The following LPAR1 variants were observed in gnomAD, a reference collection of about 807,000 sequenced individuals.
The protein encoded by LPAR1 is LPA receptor 1.
In LPAR1, 5 loss-of-function variants were observed where a neutral mutation model predicts 23.8. The observed-to-expected ratio is 0.21, with a 90% CI of 0.11 to 0.44. LPAR1 has a LOEUF of 0.44. Ranked by LOEUF, LPAR1 falls within the 20% of genes least tolerant of loss-of-function variation. LPAR1 has a pLI of 0.99. For missense variants in LPAR1, 311 were observed against 482.8 expected, an observed-to-expected ratio of 0.64 and a Z score of 3.33; for synonymous variants, 160 against 164.7, an observed-to-expected ratio of 0.97 and a Z score of 0.22.
At chr9:111,018,447 T>A (rs1347908646) in intron 2 of LPAR1, among the ~76,000 whole-genome samples, 2 of 152,244 alleles carry the variant, frequency 1.3e-5, no homozygotes, top group African/African-American at 4.8e-5. Context: ...CAAAGATATT[T>A]ACTGAAGTGA....
chr9:111,010,825 G>C (rs2097317086), intron 2 of LPAR1, among the ~76,000 whole-genome samples: 1 of 152,138 alleles, frequency 6.6e-6, no homozygotes, highest in Admixed American at 6.5e-5. Flanking sequence ...AAAATGTCAT[G>C]ACTTCCCTTC....
chr9:111,013,690 A>G (rs2140762719), intron 2 of LPAR1, among the ~76,000 whole-genome samples: 1 of 152,326 alleles, frequency 6.6e-6, no homozygotes, highest in Admixed American at 6.5e-5. Flanking sequence ...AGAAAAAGAA[A>G]AAAAGGGTGA....
chr9:110,979,841 C>G (rs914781906), intron 2 of LPAR1, among the ~76,000 whole-genome samples: 1 of 151,988 alleles, frequency 6.6e-6, no homozygotes, highest in Non-Finnish European at 1.5e-5. Flanking sequence ...AAAAGGAATT[C>G]CTGGCATAAT....
intron 4 of LPAR1, among the ~76,000 whole-genome samples, chr9:110,959,725 CAG>C (rs1267107733): frequency 2.6e-5 from 4 of 152,134 alleles, no homozygotes; most frequent in Non-Finnish European, 5.9e-5. Context: ...TTTAAAATAG[CAG>C]AGACACAGAT....
chr9:110,984,521 A>G lies in LPAR1; in HGVS notation c.-181-10963T>C, dbSNP rs1410282559. On this transcript the variant is annotated intron_variant, in intron 2 of 5. Transcript: ENST00000683809. ...CTTCCAAATCTTGGCTATTGTGAACAGTGCTGCAATAAACATGAGAGTGAA... is the reference window on the plus strand; with the variant it reads ...CTTCCAAATCTTGGCTATTGTGAACGGTGCTGCAATAAACATGAGAGTGAA... 3.9e-5 allele frequency among the ~76,000 whole-genome samples: 6 copies of G among 152,258 alleles called. No individual in the cohort carries two copies. The South Asian group carries it at 1.2e-3, about 32-fold the overall frequency.
intron 5 of LPAR1, among the ~76,000 whole-genome samples, chr9:110,909,960 G>T (rs889505175): frequency 2.0e-5 from 3 of 151,920 alleles, no homozygotes; most frequent in African/African-American, 7.3e-5. Flanking sequence ...TATTGCCCAG[G>T]CTGGTCTCAA....
At chr9:111,036,392 AAG>A (rs1430083962) in intron 1 of LPAR1, among the ~76,000 whole-genome samples, 191 bp from the exon 2 acceptor site, 5 of 151,574 alleles carry the variant, frequency 3.3e-5, no homozygotes, top group Admixed American at 6.6e-5. Flanking sequence ...AAAAAAAAAA[AAG>A]AGGAAATGAG....
intron 2 of LPAR1, among the ~76,000 whole-genome samples, chr9:111,000,032 C>A (rs117603158): frequency 6.6e-6 from 1 of 152,158 alleles, no homozygotes; most frequent in Non-Finnish European, 1.5e-5. Context: ...TTTTATAAGG[C>A]CCCTAATCTC....
chr9:111,004,429 A>C (rs2140286273), intron 2 of LPAR1, among the ~76,000 whole-genome samples: 1 of 152,220 alleles, frequency 6.6e-6, no homozygotes, highest in Admixed American at 6.5e-5. Context: ...AGGATACTGA[A>C]GAAACTGTGC....
At chr9:110,921,533 A>G (rs2093629712) in intron 5 of LPAR1, among the ~76,000 whole-genome samples, 1 of 152,202 alleles carries the variant, frequency 6.6e-6, no homozygotes, top group Admixed American at 6.5e-5. Flanking sequence ...AATTATCTCT[A>G]TTTTACAGAT....
At chr9:110,881,485 T>G (rs2080820586) in intron 5 of LPAR1, among the ~76,000 whole-genome samples, 2 of 152,178 alleles carry the variant, frequency 1.3e-5, no homozygotes, top group Admixed American at 6.5e-5. Flanking sequence ...AAAGCTGCCT[T>G]CCCTCTGGTG....
chr9:110,934,054 T>A (rs550241847), intron 5 of LPAR1, among the ~76,000 whole-genome samples: 25 of 152,300 alleles, frequency 1.6e-4, no homozygotes, highest in African/African-American at 5.8e-4. Flanking sequence ...CCAAGCAGCC[T>A]AATGGCTGGC....
chr9:110,942,509 A>G (rs1350221845), intron 4 of LPAR1, among the ~76,000 whole-genome samples: 1 of 152,234 alleles, frequency 6.6e-6, no homozygotes, highest in Non-Finnish European at 1.5e-5. Flanking sequence ...TGCAATTGGA[A>G]TATTTACCAT....
At chr9:110,930,783 C>T (rs1357002788) in intron 5 of LPAR1, among the ~76,000 whole-genome samples, 3 of 151,734 alleles carry the variant, frequency 2.0e-5, no homozygotes, top group East Asian at 2.0e-4. Flanking sequence ...GGCGTGGTGG[C>T]GCGTGCCTAT....
intron 5 of LPAR1, among the ~76,000 whole-genome samples, chr9:110,916,395 G>A (rs976423868): frequency 1.3e-5 from 2 of 152,164 alleles, no homozygotes; most frequent in Non-Finnish European, 2.9e-5. Flanking sequence ...AAATACACTG[G>A]ATGGAAGTAT....
intron 5 of LPAR1, among the ~76,000 whole-genome samples, chr9:110,908,167 T>C (rs575814429): frequency 9.9e-5 from 15 of 151,870 alleles, no homozygotes; most frequent in African/African-American, 3.6e-4. Flanking sequence ...CTATTTAAAC[T>C]AGGAACTAAA....
chr9:111,029,822 G>A (rs147189615), intron 2 of LPAR1, among the ~76,000 whole-genome samples: 19,493 of 151,560 alleles, frequency 0.13, 1,497 homozygotes, highest in South Asian at 0.21. Flanking sequence ...AGGCCGAGGC[G>A]GGTGGTTCAC....
intron 5 of LPAR1, among the ~76,000 whole-genome samples, chr9:110,892,814 A>C (rs561576646): frequency 0.015 from 1,566 of 102,512 alleles, 22 homozygotes; most frequent in African/African-American, 0.042. Flanking sequence ...GGAAGGAAGG[A>C]AGGAAGGAAG....
intron 5 of LPAR1, among the ~76,000 whole-genome samples, chr9:110,930,101 C>T (rs1364080795): frequency 6.6e-6 from 1 of 152,164 alleles, no homozygotes; most frequent in East Asian, 1.9e-4. Flanking sequence ...ATTATATTCT[C>T]GTTATGTTTC....
Sources: allele counts gnomAD v4.1 joint callset (sites outside exome capture counted in the v4.1 genomes callset), GRCh38; gene constraint gnomAD v4.1.1; transcripts MANE v1.5; gene names NCBI Gene and HGNC (gene_info 2026-07-23, HGNC 2026-07-21).